APBB2: variants seen among roughly 807,000 people sequenced by gnomAD.
APBB2 encodes the protein amyloid beta precursor protein binding family B member 2.
Under a neutral mutation model 82.5 loss-of-function variants are expected in APBB2, and 38 were observed. That is an observed-to-expected ratio of 0.46 (90% confidence interval 0.36 to 0.60). APBB2 has a LOEUF of 0.60. Ranked by LOEUF, APBB2 falls within the 20% of genes least tolerant of loss-of-function variation. The probability of loss-of-function intolerance (pLI) is 0.00; values close to 1 mark genes in which losing one functional copy is unlikely to be tolerated. For synonymous variants in APBB2, 341 were observed against 368.2 expected, an observed-to-expected ratio of 0.93 and a Z score of 0.85; for missense variants, 772 against 972.3, an observed-to-expected ratio of 0.79 and a Z score of 2.74.
chr4:40,852,973 T>G (rs1299233559), intron 12 of APBB2, among the ~76,000 whole-genome samples: 3 of 152,168 alleles, frequency 2.0e-5, no homozygotes, highest in Non-Finnish European at 4.4e-5. Flanking sequence ...AACATAAATG[T>G]AAAGGGAGTT....
chr4:40,950,597 T>C (rs1789841739), intron 6 of APBB2, among the ~76,000 whole-genome samples: 1 of 150,898 alleles, frequency 6.6e-6, no homozygotes, highest in South Asian at 2.1e-4. Flanking sequence ...GCTGTTATCC[T>C]AGCACGTTGG....
chr4:41,028,235 T>C (rs1390545654), intron 5 of APBB2, among the ~76,000 whole-genome samples: 3 of 152,240 alleles, frequency 2.0e-5, no homozygotes, highest in Non-Finnish European at 4.4e-5. Flanking sequence ...AAGATACCTA[T>C]GGAGCGCAGA....
rs546473793 is a variant in APBB2 at position 41,212,365 on chromosome 4, G to C, written c.-417+2040C>G. Reference sequence around the variant, plus strand: ...CAAGCTTTCTTTTTTTCAGAAACAGGATCTCACTCTGTTGCCCAGGCTGGA... The same window carrying C: ...CAAGCTTTCTTTTTTTCAGAAACAGCATCTCACTCTGTTGCCCAGGCTGGA... On this transcript the variant is annotated intron_variant, in intron 1 of 17. Coordinates refer to ENST00000508593, the MANE Select transcript of APBB2 (RefSeq NM_004307.2). Among the ~76,000 whole-genome samples the C allele has an allele frequency of 2.6e-5, 4 of 151,984 alleles. No homozygotes were observed. The South Asian group carries it at 8.3e-4, about 32-fold the overall frequency.
intron 6 of APBB2, among the ~76,000 whole-genome samples, chr4:40,961,263 G>A (rs1407866031): frequency 1.3e-5 from 2 of 152,064 alleles, no homozygotes; most frequent in African/African-American, 4.8e-5. Flanking sequence ...TCCAGGCCTA[G>A]TCTAGGAAAG....
intron 4 of APBB2, among the ~76,000 whole-genome samples, chr4:41,046,607 C>G (rs1723522710): frequency 6.6e-6 from 1 of 151,002 alleles, no homozygotes; most frequent in Admixed American, 6.6e-5. Context: ...AAAAAAAAAT[C>G]AAGATAATTA....
At chr4:41,149,566 C>T (rs189394701) in intron 1 of APBB2, among the ~76,000 whole-genome samples, 1 of 152,128 alleles carries the variant, frequency 6.6e-6, no homozygotes, top group Non-Finnish European at 1.5e-5. Flanking sequence ...CTCAACAACA[C>T]TAAAAGCCAA....
At chr4:40,861,541 A>AAATG (rs1186452266) in intron 12 of APBB2, among the ~76,000 whole-genome samples, 9 of 152,194 alleles carry the variant, frequency 5.9e-5, no homozygotes, top group Non-Finnish European at 1.0e-4. Context: ...ATAAATGAAT[A>AAATG]AATGAATGAA....
rs772517964 is a variant in APBB2 at position 40,823,805 on chromosome 4, CA to C, written c.1817-47del. The C allele has an allele frequency of 3.0e-6, 4 of 1,317,476 alleles. No individual in the cohort carries two copies. The African/African-American group carries it at 5.8e-5, about 19-fold the overall frequency. The allele number at this position is 1,317,476 out of a possible 1,614,324, so 81.6% of individuals were successfully genotyped here. A position where few individuals can be genotyped will look rare whatever the true frequency, so the allele number is the denominator to read the frequency against. On this transcript the variant is annotated intron_variant, in intron 15 of 17. Coordinates refer to ENST00000508593, the MANE Select transcript of APBB2 (RefSeq NM_004307.2). ...TTTAAAGTGTCCTAAAGCCACTTAC[CA>C]CACTCAAATGTGGGCCCAAATCACC...
At chr4:40,925,466 C>T (rs1180954132) in intron 10 of APBB2, among the ~76,000 whole-genome samples, 3 of 152,056 alleles carry the variant, frequency 2.0e-5, no homozygotes, top group Admixed American at 6.6e-5. Flanking sequence ...GCTTTAAACC[C>T]GGGCAGTCTG....
intron 3 of APBB2, among the ~76,000 whole-genome samples, chr4:41,092,638 G>A (rs1411074151): frequency 6.7e-5 from 10 of 149,412 alleles, no homozygotes; most frequent in African/African-American, 1.2e-4. Flanking sequence ...GTGGTGAGCC[G>A]AGATTGCACC....
At chr4:40,885,559 T>C (rs904017568) in intron 12 of APBB2, among the ~76,000 whole-genome samples, 7 of 152,196 alleles carry the variant, frequency 4.6e-5, no homozygotes, top group Non-Finnish European at 1.0e-4. Context: ...TCTTCGTGCC[T>C]CTAAGTCCAT....
chr4:40,984,609 C>T (rs956016915), intron 6 of APBB2, among the ~76,000 whole-genome samples: 12 of 152,072 alleles, frequency 7.9e-5, no homozygotes, highest in African/African-American at 2.4e-4. Context: ...GAGTGATAAG[C>T]GTTCTTCTAG....
chr4:40,928,697 C>T lies in APBB2; in HGVS notation c.1254+5759G>A, dbSNP rs1783317824. Among the ~76,000 whole-genome samples, 3 of 151,800 alleles carry T rather than the reference C, an allele frequency of 2.0e-5. No individual in the cohort carries two copies. The South Asian group carries it at 6.2e-4, about 32-fold the overall frequency. ...GATCAGAATTCGAGGTCAGCCTGGC[C>T]AACATGGTGAAACCCTGTCTCTACT... On this transcript the variant is annotated intron_variant, in intron 10 of 17. Coordinates refer to ENST00000508593, the MANE Select transcript of APBB2 (RefSeq NM_004307.2).
At chr4:41,137,218 C>CAT (rs1250244749) in intron 2 of APBB2, among the ~76,000 whole-genome samples, 1 of 152,168 alleles carries the variant, frequency 6.6e-6, no homozygotes, top group Admixed American at 6.5e-5. Context: ...AGACCCAATT[C>CAT]ATGTTACCAT....
chr4:40,863,932 G>C (rs1763420683), intron 12 of APBB2, among the ~76,000 whole-genome samples: 1 of 142,574 alleles, frequency 7.0e-6, no homozygotes, highest in Non-Finnish European at 1.5e-5. Context: ...CCAGGGAGTT[G>C]TGGACTAACA....
intron 10 of APBB2, among the ~76,000 whole-genome samples, chr4:40,928,840 G>A (rs773442700): frequency 2.0e-5 from 3 of 151,232 alleles, no homozygotes; most frequent in Non-Finnish European, 4.4e-5. Flanking sequence ...AGCCGAGATC[G>A]CACCACTGCA....
At chr4:40,847,999 TCTCA>T (rs758930440) in intron 12 of APBB2, among the ~76,000 whole-genome samples, 118 of 152,048 alleles carry the variant, frequency 7.8e-4, no homozygotes, top group Non-Finnish European at 1.3e-4. Flanking sequence ...AGAAATGAGG[TCTCA>T]CTATGTTGCA....
chr4:40,868,662 C>G (rs1232494074), intron 12 of APBB2, among the ~76,000 whole-genome samples: 1 of 152,186 alleles, frequency 6.6e-6, no homozygotes, highest in Non-Finnish European at 1.5e-5. Flanking sequence ...CTGATACAGT[C>G]AGAAGACTAA....
At chr4:41,084,873 C>T (rs1205905334) in intron 3 of APBB2, among the ~76,000 whole-genome samples, 3 of 151,896 alleles carry the variant, frequency 2.0e-5, no homozygotes, top group Non-Finnish European at 2.9e-5. Flanking sequence ...TTAAAGTAAG[C>T]CAAGAAGCCT....
Sources: gnomAD v4.1 joint callset for allele counts (sites outside exome capture counted in the v4.1 genomes callset) on GRCh38, gnomAD v4.1.1 for gene constraint, MANE v1.5 for transcripts, NCBI Gene and HGNC (gene_info 2026-07-23, HGNC 2026-07-21) for gene names.